Variants in ASB3 observed in about 807,000 individuals in gnomAD.
ASB3 encodes the protein ankyrin repeat and SOCS box containing 3.
In ASB3, 41 loss-of-function variants were observed where a neutral mutation model predicts 54.5. That is an observed-to-expected ratio of 0.75 (90% CI 0.59 to 0.98). The LOEUF is 0.98. ASB3 is among the 50% of genes least tolerant of loss of function. The probability of loss-of-function intolerance (pLI) is 0.00; values close to 1 mark genes in which losing one functional copy is unlikely to be tolerated. For missense variants in ASB3, 733 were observed against 620.0 expected (o/e 1.18, Z -1.94); for synonymous variants, 266 against 221.2 (o/e 1.20, Z -1.80).
chr2:53,768,261 G>T (rs1014715661), intron 1 of ASB3: 5 of 470,600 alleles, frequency 1.1e-5, no homozygotes, highest in Non-Finnish European at 1.9e-5. Context: ...ACGGCGAGAA[G>T]CGCGGGCACA....
intron 2 of ASB3, among the ~76,000 whole-genome samples, chr2:53,761,299 G>T (rs1673130855): frequency 6.6e-6 from 1 of 152,164 alleles, no homozygotes; most frequent in African/African-American, 2.4e-5. Flanking sequence ...TATATCGCCT[G>T]AGAGCACAGA....
intron 8 of ASB3, among the ~76,000 whole-genome samples, chr2:53,699,849 G>A (rs1669387976): frequency 6.6e-6 from 1 of 152,166 alleles, no homozygotes; most frequent in Non-Finnish European, 1.5e-5. Context: ...TCAGAAATCA[G>A]TATTTATTAA....
chr2:53,772,729 C>T (rs1277402082), intron 1 of ASB3, among the ~76,000 whole-genome samples: 1 of 152,136 alleles, frequency 6.6e-6, no homozygotes, highest in African/African-American at 2.4e-5. Flanking sequence ...TTCAGGAGTA[C>T]ATGTGCAGGA....
chr2:53,739,706 G>C (rs1250197422), intron 3 of ASB3, among the ~76,000 whole-genome samples: 2 of 151,932 alleles, frequency 1.3e-5, no homozygotes, highest in African/African-American at 4.8e-5. Flanking sequence ...GATAGGGTCT[G>C]GCTCTGTTAC....
chr2:53,713,571 A>T (rs1447187313), intron 7 of ASB3, among the ~76,000 whole-genome samples: 3 of 152,238 alleles, frequency 2.0e-5, no homozygotes, highest in Admixed American at 6.5e-5. Flanking sequence ...TTAGAAAAAT[A>T]ATTAATTTGG....
At chr2:53,777,754 T>C (rs1374385580) in intron 1 of ASB3, among the ~76,000 whole-genome samples, 2 of 152,192 alleles carry the variant, frequency 1.3e-5, no homozygotes, top group African/African-American at 2.4e-5. Context: ...TTGGAGGAAA[T>C]AGATGGTATT....
At position 53,750,899 on chromosome 2, in the gene ASB3, A is replaced by G; in HGVS notation, c.239T>C (p.Phe80Ser). 1 of 1,600,710 alleles carries G rather than the reference A, an allele frequency of 6.2e-7. No homozygotes were observed. The highest frequency in any genetic ancestry group is 8.5e-7 in the Non-Finnish European group (1 of 1,173,702). ...NYIKMKTFEG[F>S]CALHLAASQG... is the part of the protein sequence containing the mutation. ...ACTTGCAGCGAGATGCAAAGCACAGAAACCTTCAAAGGTCTTCATCTTAAT... is the reference window on the plus strand; with the variant it reads ...ACTTGCAGCGAGATGCAAAGCACAGGAACCTTCAAAGGTCTTCATCTTAAT... Residue 80 changes from phenylalanine to serine, a missense_variant, in exon 3 of 10, where the codon TTC becomes TCC. Phe to Ser is a radical substitution (Grantham distance 155). Coordinates refer to ENST00000263634, the MANE Select transcript of ASB3 (RefSeq NM_016115.5).
At chr2:53,740,590 T>C (rs944090188) in intron 3 of ASB3, among the ~76,000 whole-genome samples, 10 of 152,226 alleles carry the variant, frequency 6.6e-5, no homozygotes, top group Non-Finnish European at 1.3e-4. Context: ...ATATTTCTGT[T>C]TTATAAATTT....
intron 9 of ASB3, among the ~76,000 whole-genome samples, chr2:53,690,635 AAC>A (rs1486913761): frequency 2.0e-5 from 3 of 152,136 alleles, no homozygotes; most frequent in East Asian, 1.9e-4. Context: ...ACAGCCTATC[AAC>A]AGACAAGTAT....
At chr2:53,755,454 A>G (rs977967628) in intron 2 of ASB3, among the ~76,000 whole-genome samples, 2 of 152,232 alleles carry the variant, frequency 1.3e-5, no homozygotes, top group South Asian at 2.1e-4. Context: ...AGTAGAGGAG[A>G]TAGGTTAAGT....
intron 3 of ASB3, among the ~76,000 whole-genome samples, chr2:53,743,561 A>AGC (rs1232319347): frequency 8.5e-5 from 13 of 152,340 alleles, no homozygotes; most frequent in South Asian, 2.1e-4. Flanking sequence ...AAGTTGGAAA[A>AGC]GCGGGGGGAG....
Position 53,700,461 on chromosome 2 carries a change from C to T in ASB3, c.1048G>A (p.Ala350Thr), listed in dbSNP as rs868254570. The T allele has an allele frequency of 2.3e-5, 37 of 1,613,888 alleles. No individual in the cohort carries two copies. Among genetic ancestry groups the T allele is most frequent in the Non-Finnish European group, 3.1e-5 (36 of 1,179,988 alleles). ...YGAQINELHL[A>T]YCLKYEKFSI... ...AACTTCTCGTACTTCAGGCAGTATG[C>T]CAAATGAAGTTCATTTATCTGGGCT... The change falls in exon 8 of 10, where the codon GCA becomes ACA. Residue 350 changes from alanine (A) to threonine (T), a missense_variant. Coordinates refer to ENST00000263634, the MANE Select transcript of ASB3 (RefSeq NM_016115.5).
Position 53,756,355 on chromosome 2 carries a change from G to C in ASB3, c.197-5414C>G, listed in dbSNP as rs577814260. On this transcript the variant is annotated intron_variant, in intron 2 of 9. Coordinates refer to ENST00000263634, the MANE Select transcript of ASB3 (RefSeq NM_016115.5). Reference sequence around the variant, plus strand: ...TCTTTGCTTAAGCTAGTTTGAACTAGGTTTCTTTCACTCAGTACTGAAAGA... The same window carrying C: ...TCTTTGCTTAAGCTAGTTTGAACTACGTTTCTTTCACTCAGTACTGAAAGA... Among the ~76,000 whole-genome samples the C allele has an allele frequency of 2.0e-5, 3 of 152,168 alleles. No homozygotes were observed. In the South Asian group the frequency reaches 6.2e-4, roughly 32 times the overall value.
At chr2:53,746,945 T>C (rs1269525231) in intron 3 of ASB3, among the ~76,000 whole-genome samples, 1 of 152,140 alleles carries the variant, frequency 6.6e-6, no homozygotes, top group Non-Finnish European at 1.5e-5. Flanking sequence ...AGAAACAAAA[T>C]AAATCCTACT....
intron 9 of ASB3, among the ~76,000 whole-genome samples, chr2:53,692,581 G>T (rs1372933212): frequency 1.3e-5 from 2 of 152,138 alleles, no homozygotes; most frequent in Non-Finnish European, 2.9e-5. Flanking sequence ...TTAGTCTACT[G>T]CAGGGTAATG....
intron 9 of ASB3, among the ~76,000 whole-genome samples, chr2:53,692,727 G>A (rs967755993): frequency 1.3e-5 from 2 of 152,056 alleles, no homozygotes; most frequent in African/African-American, 4.8e-5. Flanking sequence ...TTCCTCTTTT[G>A]ACTCTTAGTT....
intron 9 of ASB3, among the ~76,000 whole-genome samples, chr2:53,680,115 G>C (rs961165646): frequency 2.6e-5 from 4 of 152,132 alleles, no homozygotes; most frequent in Non-Finnish European, 4.4e-5. Context: ...TGGTGCGTAT[G>C]TACCACATTT....
chr2:53,720,407 A>G (rs2103863918), intron 5 of ASB3, among the ~76,000 whole-genome samples: 1 of 152,336 alleles, frequency 6.6e-6, no homozygotes, highest in South Asian at 2.1e-4. Flanking sequence ...TCTCTCTCAG[A>G]TATTTGGGGT....
chr2:53,775,965 A>G (rs1489712960), intron 1 of ASB3, among the ~76,000 whole-genome samples: 2 of 152,240 alleles, frequency 1.3e-5, no homozygotes, highest in African/African-American at 4.8e-5. Context: ...ATTAACTCAC[A>G]TAGAATTAAC....
Sources: gnomAD v4.1 joint callset for allele counts (sites outside exome capture counted in the v4.1 genomes callset) on GRCh38, gnomAD v4.1.1 for gene constraint, MANE v1.5 for transcripts, NCBI Gene and HGNC (gene_info 2026-07-23, HGNC 2026-07-21) for gene names.